The following DRC3 variants were observed in gnomAD, a reference collection of about 807,000 sequenced individuals.
The protein encoded by DRC3 is leucine rich repeat containing 48.
A neutral mutation model predicts 57.6 loss-of-function variants in DRC3; 45 were observed. The ratio of observed to expected loss-of-function variants is 0.78; its 90% CI spans 0.62 to 1.00. DRC3 has a LOEUF of 1.00. Among genes scored for constraint, DRC3 ranks in the 50% least tolerant of loss-of-function variants. The pLI is 0.00. For missense variants in DRC3, 655 were observed against 675.2 expected, an observed-to-expected ratio of 0.97 and a Z score of 0.33; for synonymous variants, 257 against 272.3, an observed-to-expected ratio of 0.94 and a Z score of 0.55.
intron 9 of DRC3, among the ~76,000 whole-genome samples, chr17:17,998,549 C>CT (rs1488231063): frequency 3.3e-5 from 5 of 152,172 alleles, no homozygotes; most frequent in African/African-American, 1.2e-4. Flanking sequence ...GCATAAGGGG[C>CT]TTTAGGGAGC....
In DRC3 at chr17:17,996,878, G is replaced by A. The variant is rs147854018; in HGVS notation, c.825-582G>A. Among the ~76,000 whole-genome samples, 574 of 152,274 alleles carry A rather than the reference G, an allele frequency of 3.8e-3. 3 individuals carry two copies. Among genetic ancestry groups the A allele is most frequent in the Middle Eastern group, 0.02 (6 of 294 alleles). Reference sequence around the variant, plus strand: ...TGGTTGACTCCAAGGACTCCGTGTCGCAGGCCCTTTTGTACCCTCAGCTGC... The same window carrying A: ...TGGTTGACTCCAAGGACTCCGTGTCACAGGCCCTTTTGTACCCTCAGCTGC... On this transcript the variant is annotated intron_variant, in intron 8 of 13. Coordinates refer to ENST00000399187, the MANE Select transcript of DRC3 (RefSeq NM_031294.4).
chr17:18,016,747 C>T lies in DRC3; in HGVS notation c.*76C>T. 1.1e-6 allele frequency: 1 copy of T among 877,178 alleles called. No individual in the cohort carries two copies. Among genetic ancestry groups the T allele is most frequent in the Non-Finnish European group, 1.9e-6 (1 of 540,212 alleles). 54.3% of individuals were successfully genotyped at this position (877,178 alleles called of 1,614,324 possible). A position where few individuals can be genotyped will look rare whatever the true frequency, so the allele number is the denominator to read the frequency against. ...AGGAGAAGGAAGTGCACACGCCTCA[C>T]CCGCACCTCTAGAGAGTTGCTGGGC... On this transcript the variant is annotated 3_prime_UTR_variant, in exon 14 of 14. Coordinates refer to ENST00000399187, the MANE Select transcript of DRC3 (RefSeq NM_031294.4).
At chr17:17,982,375 C>T (rs1468868436) in intron 3 of DRC3, among the ~76,000 whole-genome samples, 1 of 151,822 alleles carries the variant, frequency 6.6e-6, no homozygotes, top group East Asian at 1.9e-4. Context: ...GCCACCACGC[C>T]CAGCTAATTT....
chr17:17,995,178 C>T (rs1051327481), intron 8 of DRC3, 67 bp downstream of exon 8: 32 of 1,093,428 alleles, frequency 2.9e-5, no homozygotes, highest in Admixed American at 9.8e-5. Flanking sequence ...AGGCCCCTTC[C>T]GCTCTAGGCC....
intron 4 of DRC3, among the ~76,000 whole-genome samples, chr17:17,985,161 C>T (rs1425767749): frequency 1.3e-5 from 2 of 152,240 alleles, no homozygotes; most frequent in South Asian, 2.1e-4. Flanking sequence ...CCCATGACAG[C>T]TCCCTCTTTC....
chr17:17,973,570 G>A (rs903621181), intron 1 of DRC3: 3 of 152,078 alleles, frequency 2.0e-5, no homozygotes, highest in Non-Finnish European at 4.4e-5. Flanking sequence ...CACACAGTAA[G>A]CATTCAGTAA....
Position 18,004,355 on chromosome 17 carries a change from G to T in DRC3, c.1000-8G>T. The T allele has an allele frequency of 6.3e-7, 1 of 1,596,864 alleles. No individual in the cohort carries two copies. Among genetic ancestry groups the T allele is most frequent in the Non-Finnish European group, 8.5e-7 (1 of 1,170,854 alleles). On this transcript the variant is annotated splice_region_variant and splice_polypyrimidine_tract_variant and intron_variant, in intron 9 of 13. Transcript: ENST00000399187. Reference sequence around the variant, plus strand: ...GTTGATTCCTAAAGTGCAGTCTATTGTTTCTAGAGTTTAAGTGCCATTCGA... The same window carrying T: ...GTTGATTCCTAAAGTGCAGTCTATTTTTTCTAGAGTTTAAGTGCCATTCGA...
intron 12 of DRC3, among the ~76,000 whole-genome samples, chr17:18,013,752 C>T (rs540763312): frequency 2.6e-5 from 4 of 151,984 alleles, no homozygotes; most frequent in Non-Finnish European, 5.9e-5. Context: ...CTATAGTTGA[C>T]AATAATATAG....
At position 18,007,402 on chromosome 17, in the gene DRC3, G is replaced by T. The variant is rs773047809; in HGVS notation, c.1326+255G>T. The T allele has an allele frequency of 3.8e-5, 59 of 1,551,516 alleles. 1 individual carries two copies. The South Asian group carries it at 6.9e-4, about 18-fold the overall frequency. On this transcript the variant is annotated intron_variant, in intron 12 of 13. Coordinates refer to ENST00000399187, the MANE Select transcript of DRC3 (RefSeq NM_031294.4). ...ATGGTTTCAACTTTCCAACAGGGTC[G>T]TTTCCAAAAGTTCAATTATGTGGAG...
chr17:18,015,942 C>T, intron 12 of DRC3, 122 bp from the exon 13 acceptor site: 1 of 1,017,028 alleles, frequency 9.8e-7, no homozygotes, highest in South Asian at 1.5e-5. Context: ...CAAAGGTGGG[C>T]TCTGCTCTGA....
Position 17,983,915 on chromosome 17 carries a change from T to A in DRC3, c.248T>A (p.Leu83Gln), listed in dbSNP as rs1214983883. ...AACATCATTGAGAAGATCGAGGGCCTGGAGAACCTCGCACACCTGGTCTGG... is the reference window on the plus strand; with the variant it reads ...AACATCATTGAGAAGATCGAGGGCCAGGAGAACCTCGCACACCTGGTCTGG... ...DNNIIEKIEG[L>Q]ENLAHLVWLD... Residue 83 changes from leucine (L) to glutamine (Q), a missense_variant, in exon 4 of 14, where the codon CTG becomes CAG. Coordinates refer to ENST00000399187, the MANE Select transcript of DRC3 (RefSeq NM_031294.4). The A allele has an allele frequency of 5.6e-6, 9 of 1,613,236 alleles. No homozygotes were observed. The highest frequency in any genetic ancestry group is 7.6e-6 in the Non-Finnish European group (9 of 1,179,318).
intron 9 of DRC3, among the ~76,000 whole-genome samples, chr17:18,003,637 CTTTTTTTTTTTTTT>C (rs758041562): frequency 1.9e-5 from 2 of 103,920 alleles, no homozygotes; most frequent in African/African-American, 7.2e-5. Flanking sequence ...TTTTAAGTAT[CTTTTTTTTTTTTTT>C]TTTTTTTTTG....
chr17:18,007,263 G>A, intron 12 of DRC3, 116 bp downstream of exon 12: 1 of 977,236 alleles, frequency 1.0e-6, no homozygotes, highest in Admixed American at 2.3e-5. Flanking sequence ...GTTCTCATCT[G>A]CAAAAGGGCA....
In DRC3 at chr17:17,997,634, G is replaced by C. The variant is rs1459977522; in HGVS notation, c.999G>C (p.Ser333=). The change falls in exon 9 of 14, where the codon TCG becomes TCC. Residue 333 remains serine (S), a splice_region_variant and synonymous_variant. Coordinates refer to ENST00000399187, the MANE Select transcript of DRC3 (RefSeq NM_031294.4). Reference sequence around the variant, plus strand: ...CCAAATTCGAGGAGAAGCACTTGTCGGTAGGCCCCGAGCCTCCTGAGGCCC... The same window carrying C: ...CCAAATTCGAGGAGAAGCACTTGTCCGTAGGCCCCGAGCCTCCTGAGGCCC... ...KIAKFEEKHL[S]SLSAIREELE... is the part of the protein sequence containing the mutation. The C allele has an allele frequency of 6.3e-7, 1 of 1,596,808 alleles. No individual in the cohort carries two copies. The highest frequency in any genetic ancestry group is 8.5e-7 in the Non-Finnish European group (1 of 1,172,322).
chr17:17,975,501 C>T (rs1186208099), intron 2 of DRC3, among the ~76,000 whole-genome samples: 5 of 149,584 alleles, frequency 3.3e-5, no homozygotes, highest in Middle Eastern at 3.2e-3. Flanking sequence ...TGAGCCACCG[C>T]GCCTGACCTC....
rs776446038 is a variant in DRC3 at position 18,004,393 on chromosome 17, CT to C, written c.1031del (p.Leu344ArgfsTer7). ...AAGTGCCATTCGAGAGGAGTTGGAA[CT>C]GCCCAACATTGAGAAGATGATCCTA... ...SLSAIREELELPNIEKMILEC... is the reference protein window; with the variant it reads ...SLSAIREELEXPNIEKMILEC... On this transcript the variant is annotated frameshift_variant, in exon 10 of 14. Transcript: ENST00000399187. LOFTEE classifies it high-confidence loss of function. 1.9e-6 allele frequency: 3 copies of C among 1,607,080 alleles called. No homozygotes were observed. The East Asian group carries it at 6.7e-5, about 36-fold the overall frequency.
chr17:18,004,711 C>G (rs1445777363), intron 10 of DRC3: 1 of 547,348 alleles, frequency 1.8e-6, no homozygotes, highest in East Asian at 3.2e-5. Flanking sequence ...GAGGTGAGCT[C>G]ATTCTTCTGA....
intron 12 of DRC3, chr17:18,015,072 G>C (rs2044307611): frequency 6.6e-6 from 1 of 152,176 alleles, no homozygotes; most frequent in Non-Finnish European, 1.5e-5. Flanking sequence ...AAAGCTTAAA[G>C]GGTTTATTTT....
chr17:18,010,710 T>G (rs188720382), intron 12 of DRC3: 398 of 170,434 alleles, frequency 2.3e-3, no homozygotes, highest in African/African-American at 9.1e-3. Context: ...GGAAGCTTTG[T>G]CAGCAGCTTC....
Sources: allele counts gnomAD v4.1 joint callset (sites outside exome capture counted in the v4.1 genomes callset), GRCh38; gene constraint gnomAD v4.1.1; transcripts MANE v1.5; gene names NCBI Gene and HGNC (gene_info 2026-07-23, HGNC 2026-07-21).